SMIM44: variants seen among roughly 807,000 people sequenced by gnomAD.
SMIM44 encodes small integral membrane protein 44.
the SMIM44 span, chr19:3,482,662 C>T: frequency 2.5e-6 from 1 of 394,912 alleles, no homozygotes; most frequent in African/African-American, 2.1e-5. Context: ...AAGTCGCCAG[C>T]GTCCAACCCC....
At chr19:3,482,321 C>A in the SMIM44 span, among the ~76,000 whole-genome samples, 1 of 152,118 alleles carries the variant, frequency 6.6e-6, no homozygotes, top group Non-Finnish European at 1.5e-5. Flanking sequence ...GGGGGCAGGA[C>A]CCGCCTTGGA....
At chr19:3,483,435 G>A in the SMIM44 span, 4 of 397,376 alleles carry the variant, frequency 1.0e-5, no homozygotes, top group Admixed American at 1.8e-4. Context: ...AGGCCCGGAG[G>A]TGACCCACAC....
At chr19:3,483,099 C>CAG in the SMIM44 span, 3 of 398,386 alleles carry the variant, frequency 7.5e-6, no homozygotes, top group Non-Finnish European at 1.3e-5. Flanking sequence ...CGGCCACCCT[C>CAG]CTCTGTCCCC....
the SMIM44 span, among the ~76,000 whole-genome samples, chr19:3,482,531 G>A: frequency 1.3e-5 from 2 of 152,344 alleles, no homozygotes; most frequent in South Asian, 4.1e-4. Context: ...GCAGGTACAC[G>A]CTAAGCACTC....
the SMIM44 span, among the ~76,000 whole-genome samples, chr19:3,482,112 C>A: frequency 6.6e-6 from 1 of 152,238 alleles, no homozygotes; most frequent in Non-Finnish European, 1.5e-5. Context: ...TCTGCTTGAA[C>A]CAGCCAGGCA....
chr19:3,483,239 G>A, the SMIM44 span: 1 of 398,570 alleles, frequency 2.5e-6, no homozygotes, highest in Non-Finnish European at 4.4e-6. Context: ...TGAGGTGCCC[G>A]ACGATGGCGT....
At chr19:3,483,097 C>G in the SMIM44 span, 1 of 398,476 alleles carries the variant, frequency 2.5e-6, no homozygotes, top group Admixed American at 4.4e-5. Context: ...CCCGGCCACC[C>G]TCCTCTGTCC....
chr19:3,482,529 A>G, the SMIM44 span, among the ~76,000 whole-genome samples: 1 of 152,228 alleles, frequency 6.6e-6, no homozygotes, highest in South Asian at 2.1e-4. Context: ...CAGCAGGTAC[A>G]CGCTAAGCAC....
Sources: gnomAD v4.1 joint callset for allele counts (sites outside exome capture counted in the v4.1 genomes callset) on GRCh38, gnomAD v4.1.1 for gene constraint, MANE v1.5 for transcripts, NCBI Gene and HGNC (gene_info 2026-07-23, HGNC 2026-07-21) for gene names.